Variants in PRKN observed in about 807,000 individuals in gnomAD.
PRKN encodes the protein parkin RBR E3 ubiquitin protein ligase, also known as E3 ubiquitin-protein ligase parkin.
In PRKN, 56 loss-of-function variants were observed where a neutral mutation model predicts 59.5. The observed-to-expected ratio is 0.94, with a 90% CI of 0.76 to 1.18. PRKN has a LOEUF of 1.18. PRKN is among the 50% of genes most tolerant of loss of function. The probability of loss-of-function intolerance (pLI) is 0.00; values close to 1 mark genes in which losing one functional copy is unlikely to be tolerated. For synonymous variants in PRKN, 250 were observed against 222.1 expected (o/e 1.13, Z -1.12); for missense variants, 657 against 596.4 (o/e 1.10, Z -1.06).
chr6:162,362,380 A>C (rs2128134232), intron 2 of PRKN, among the ~76,000 whole-genome samples: 1 of 152,318 alleles, frequency 6.6e-6, no homozygotes, highest in Admixed American at 6.5e-5. Context: ...TCAAAATAGT[A>C]TAATGCTTAG....
intron 1 of PRKN, among the ~76,000 whole-genome samples, chr6:162,499,419 C>G (rs939069927): frequency 1.2e-4 from 18 of 152,128 alleles, no homozygotes; most frequent in Admixed American, 3.3e-4. Flanking sequence ...GTTTCTTTAT[C>G]TCTCTTGTCC....
intron 4 of PRKN, among the ~76,000 whole-genome samples, chr6:162,159,584 T>G (rs1782669940): frequency 1.3e-5 from 2 of 152,214 alleles, no homozygotes; most frequent in African/African-American, 2.4e-5. Flanking sequence ...GGCAGATTTC[T>G]TTGTAGAAAT....
At chr6:161,894,564 T>C (rs981461892) in intron 6 of PRKN, among the ~76,000 whole-genome samples, 4 of 152,176 alleles carry the variant, frequency 2.6e-5, no homozygotes, top group African/African-American at 9.7e-5. Flanking sequence ...TCTTAAATAC[T>C]TCCTGTTTTC....
intron 2 of PRKN, among the ~76,000 whole-genome samples, chr6:162,290,904 A>G (rs1280815406): frequency 6.6e-6 from 1 of 152,212 alleles, no homozygotes; most frequent in Non-Finnish European, 1.5e-5. Context: ...ACATAATGCT[A>G]GTCTGAGCCA....
intron 5 of PRKN, among the ~76,000 whole-genome samples, chr6:162,052,510 G>A (rs1777684119): frequency 6.6e-6 from 1 of 151,874 alleles, no homozygotes; most frequent in African/African-American, 2.4e-5. Context: ...GTTAATTTAT[G>A]TTCCTTGAAA....
chr6:162,112,964 C>T (rs1780506281), intron 4 of PRKN, among the ~76,000 whole-genome samples: 1 of 152,126 alleles, frequency 6.6e-6, no homozygotes, highest in Non-Finnish European at 1.5e-5. Context: ...ATATATCTGC[C>T]TCTCAGAGAA....
intron 1 of PRKN, among the ~76,000 whole-genome samples, chr6:162,561,632 C>T (rs937782282): frequency 3.3e-5 from 5 of 152,138 alleles, no homozygotes; most frequent in South Asian, 4.1e-4. Flanking sequence ...TTACTGGGGG[C>T]GAAGAGCATC....
At position 161,598,442 on chromosome 6, in the gene PRKN, T is replaced by A. The variant is rs529744300; in HGVS notation, c.872-29026A>T. Reference sequence around the variant, plus strand: ...GAAAGAGAGAGATCACCGTGAGTTATCTACTTAACATACGGGCTTGGTCAC... The same window carrying A: ...GAAAGAGAGAGATCACCGTGAGTTAACTACTTAACATACGGGCTTGGTCAC... On this transcript the variant is annotated intron_variant, in intron 7 of 11. Transcript: ENST00000366898. 5.3e-5 allele frequency among the ~76,000 whole-genome samples: 8 copies of A among 152,346 alleles called. 1 individual carries two copies. The highest frequency in any genetic ancestry group is 2.0e-4 in the Admixed American group (3 of 15,300).
At chr6:161,836,506 G>A (rs548655618) in intron 6 of PRKN, among the ~76,000 whole-genome samples, 2 of 152,268 alleles carry the variant, frequency 1.3e-5, no homozygotes, top group South Asian at 2.1e-4. Flanking sequence ...GAGAGTTCAG[G>A]GAACTTGGAT....
At position 162,690,077 on chromosome 6, in the gene PRKN, A is replaced by ATTAGAACGTACTCCATTAT. The variant is rs1584054376; in HGVS notation, c.7+37584_7+37585insATAATGGAGTACGTTCTAA. Reference sequence around the variant, plus strand: ...TTTATTTTCTTGAAGATATATTGTTATTAGAATGTACTCCATTATTTAGAA... The same window carrying ATTAGAACGTACTCCATTAT: ...TTTATTTTCTTGAAGATATATTGTTATTAGAACGTACTCCATTATTTAGAATGTACTCCATTATTTAGAA... On this transcript the variant is annotated intron_variant, in intron 1 of 11. Coordinates refer to ENST00000366898, the MANE Select transcript of PRKN (RefSeq NM_004562.3). 2.7e-5 allele frequency among the ~76,000 whole-genome samples: 4 copies of ATTAGAACGTACTCCATTAT among 146,432 alleles called. No homozygotes were observed. In the East Asian group the frequency reaches 6.1e-4, roughly 22 times the overall value.
rs928554156 is a variant in PRKN, at chr6:161,371,370, G to T, written c.1168-11165C>A. Reference sequence around the variant, plus strand: ...GGAGGAGACGGAGTTTCACCATGTTGGCCAGGCTAGTTTTGAACTCCTGAC... The same window carrying T: ...GGAGGAGACGGAGTTTCACCATGTTTGCCAGGCTAGTTTTGAACTCCTGAC... On this transcript the variant is annotated intron_variant, in intron 10 of 11. Transcript: ENST00000366898. The surrounding 1 kb of genome is among the most constrained non-coding windows in gnomAD (Gnocchi z 5.5). 1.9e-4 allele frequency among the ~76,000 whole-genome samples: 29 copies of T among 151,988 alleles called. No homozygotes were observed. Among genetic ancestry groups the T allele is most frequent in the African/African-American group, 6.8e-4 (28 of 41,466 alleles).
chr6:162,385,280 G>A (rs1786742259), intron 2 of PRKN, among the ~76,000 whole-genome samples: 1 of 152,046 alleles, frequency 6.6e-6, no homozygotes. Flanking sequence ...CCAGTTATCT[G>A]CAACCCCTGT....
intron 2 of PRKN, among the ~76,000 whole-genome samples, chr6:162,398,403 T>A (rs1340853380): frequency 6.6e-6 from 1 of 152,106 alleles, no homozygotes; most frequent in Non-Finnish European, 1.5e-5. Flanking sequence ...TTGTTTTTTT[T>A]TTTTGAGACA....
intron 7 of PRKN, among the ~76,000 whole-genome samples, chr6:161,618,796 T>C (rs1321488364): frequency 1.3e-5 from 2 of 152,210 alleles, no homozygotes; most frequent in African/African-American, 4.8e-5. Flanking sequence ...AAAGACCATC[T>C]AGAAGATTAA....
At chr6:161,535,957 A>ATTTTTTTTT in intron 9 of PRKN, among the ~76,000 whole-genome samples, 1 of 149,994 alleles carries the variant, frequency 6.7e-6, no homozygotes, top group Non-Finnish European at 1.5e-5. Flanking sequence ...GAACAAAAAG[A>ATTTTTTTTT]TTTTTTTTTT....
rs1779992955 is a variant in PRKN at position 161,551,010 on chromosome 6, A to G, written c.934-2007T>C. Among the ~76,000 whole-genome samples the G allele has an allele frequency of 6.6e-6, 1 of 152,156 alleles. No homozygotes were observed. ...CTCCTTGTAAACGTGTGAATGGCAT[A>G]CACATACAGCACCTTTACCAGAAAA... On this transcript the variant is annotated intron_variant, in intron 8 of 11. Coordinates refer to ENST00000366898, the MANE Select transcript of PRKN (RefSeq NM_004562.3). The surrounding 1 kb of genome is among the most constrained non-coding windows in gnomAD (Gnocchi z 5.2).
At chr6:162,067,929 G>A (rs1367309156) in intron 4 of PRKN, among the ~76,000 whole-genome samples, 3 of 152,102 alleles carry the variant, frequency 2.0e-5, no homozygotes, top group Admixed American at 2.0e-4. Flanking sequence ...AAATAAATAA[G>A]CATTTTTTAT....
At position 162,601,425 on chromosome 6, in the gene PRKN, A is replaced by G. The variant is rs1781707555; in HGVS notation, c.7+126237T>C. On this transcript the variant is annotated intron_variant, in intron 1 of 11. Transcript: ENST00000366898. ...TTGTTTAAGGCTTCTCTTACTCCGC[A>G]TGATGATTTCTGAGGTTCATCCATT... Among the ~76,000 whole-genome samples the G allele has an allele frequency of 3.3e-5, 5 of 152,300 alleles. No homozygotes were observed. The South Asian group carries it at 1.0e-3, about 32-fold the overall frequency.
Position 161,530,521 on chromosome 6 carries a change from CTTTTTTTT to C in PRKN, c.1083+18325_1083+18332del, listed in dbSNP as rs537671875. Among the ~76,000 whole-genome samples the C allele has an allele frequency of 1.4e-5, 2 of 141,866 alleles. No homozygotes were observed. Among genetic ancestry groups the C allele is most frequent in the Admixed American group, 7.0e-5 (1 of 14,330 alleles). 93.1% of individuals were successfully genotyped at this position (141,866 alleles called of 152,430 possible). ...GGCTTGCTTCTTTTTTTCTTTTTTT[CTTTTTTTT>C]TTTTGAGATGGAGTTTCACTCTTGT... is the stretch of plus-strand genomic sequence containing the variant. On this transcript the variant is annotated intron_variant, in intron 9 of 11. Transcript: ENST00000366898. This position sits in a 1 kb window ranked among gnomAD's most constrained non-coding sequence, Gnocchi z 5.0.
Sources: gnomAD v4.1 joint callset for allele counts (sites outside exome capture counted in the v4.1 genomes callset) on GRCh38, gnomAD v4.1.1 for gene constraint, Gnocchi (gnomAD v3.1) non-coding constraint, MANE v1.5 for transcripts, NCBI Gene and HGNC (gene_info 2026-07-23, HGNC 2026-07-21) for gene names.